CLSTN2: variants seen among roughly 807,000 people sequenced by gnomAD.
The protein encoded by CLSTN2 is calsyntenin 2.
Under a neutral mutation model 101.2 loss-of-function variants are expected in CLSTN2, and 48 were observed. That is an observed-to-expected ratio of 0.47 (90% CI 0.38 to 0.60). The LOEUF is 0.60. Ranked by LOEUF, CLSTN2 falls within the 20% of genes least tolerant of loss-of-function variation. CLSTN2 has a pLI of 0.00. For missense variants in CLSTN2, 1,160 were observed against 1,238.2 expected (o/e 0.94, Z 0.95); for synonymous variants, 481 against 463.6 (o/e 1.04, Z -0.48).
At chr3:140,235,819 G>T (rs552332063) in intron 2 of CLSTN2, among the ~76,000 whole-genome samples, 1 of 152,204 alleles carries the variant, frequency 6.6e-6, no homozygotes, top group African/African-American at 2.4e-5. Flanking sequence ...GATTAGAGAA[G>T]GTGAGGACAG....
At chr3:140,172,117 G>C (rs891072762) in intron 1 of CLSTN2, among the ~76,000 whole-genome samples, 1 of 150,448 alleles carries the variant, frequency 6.6e-6, no homozygotes, top group African/African-American at 2.4e-5. Context: ...TATGAATTAG[G>C]GTGTGAAGTT....
At chr3:140,433,795 G>A (rs776918130) in intron 5 of CLSTN2, among the ~76,000 whole-genome samples, 3 of 152,240 alleles carry the variant, frequency 2.0e-5, no homozygotes, top group Non-Finnish European at 2.9e-5. Flanking sequence ...AGGCAGAGGA[G>A]AGCAAGTAGA....
chr3:140,016,259 G>T (rs1416076010), intron 1 of CLSTN2, among the ~76,000 whole-genome samples: 1 of 152,208 alleles, frequency 6.6e-6, no homozygotes, highest in Admixed American at 6.5e-5. Flanking sequence ...CCCTCAGTCT[G>T]CCAGGCCAAG....
At chr3:140,161,391 T>C (rs1292148057) in intron 1 of CLSTN2, among the ~76,000 whole-genome samples, 2 of 152,160 alleles carry the variant, frequency 1.3e-5, no homozygotes, top group Admixed American at 6.5e-5. Context: ...GCAAAAGATA[T>C]AAAGACTGTG....
intron 1 of CLSTN2, among the ~76,000 whole-genome samples, chr3:140,028,411 C>T (rs376349426): frequency 6.6e-5 from 10 of 152,270 alleles, no homozygotes; most frequent in African/African-American, 2.2e-4. Context: ...ACCAGGGCAC[C>T]TCCCTTATGG....
chr3:140,278,370 G>A (rs557813115), intron 2 of CLSTN2, among the ~76,000 whole-genome samples: 1 of 152,112 alleles, frequency 6.6e-6, no homozygotes, highest in Non-Finnish European at 1.5e-5. Context: ...GAGCGAGCGG[G>A]TCCCCACTAC....
chr3:140,437,532 C>T (rs2088700881), intron 5 of CLSTN2, among the ~76,000 whole-genome samples: 1 of 152,242 alleles, frequency 6.6e-6, no homozygotes, highest in African/African-American at 2.4e-5. Context: ...GGGTTTCTAA[C>T]AACCTCATCA....
At chr3:139,987,741 G>A (rs1343555017) in intron 1 of CLSTN2, among the ~76,000 whole-genome samples, 1 of 152,152 alleles carries the variant, frequency 6.6e-6, no homozygotes, top group Non-Finnish European at 1.5e-5. Flanking sequence ...TTCCTAGAGA[G>A]ATCTGCTGAG....
chr3:140,379,968 A>G (rs945038174), intron 2 of CLSTN2, among the ~76,000 whole-genome samples: 1 of 152,176 alleles, frequency 6.6e-6, no homozygotes, highest in Non-Finnish European at 1.5e-5. Context: ...ATATTTATAA[A>G]TTTTATCTAC....
At chr3:140,330,715 A>C (rs943171148) in intron 2 of CLSTN2, among the ~76,000 whole-genome samples, 9 of 152,212 alleles carry the variant, frequency 5.9e-5, no homozygotes, top group African/African-American at 2.2e-4. Context: ...AGGCCTGACA[A>C]AAAAGCCAAA....
At chr3:140,416,119 G>C (rs1049356488) in intron 4 of CLSTN2, among the ~76,000 whole-genome samples, 2 of 152,156 alleles carry the variant, frequency 1.3e-5, no homozygotes, top group African/African-American at 2.4e-5. Context: ...AAATACAAAT[G>C]CCTCATGATA....
At chr3:140,496,059 T>G (rs1216571153) in intron 8 of CLSTN2, among the ~76,000 whole-genome samples, 2 of 152,234 alleles carry the variant, frequency 1.3e-5, no homozygotes, top group Non-Finnish European at 2.9e-5. Context: ...TTGGGCAGTG[T>G]GACCATTTTC....
chr3:139,964,392 C>G (rs1935559592), intron 1 of CLSTN2, among the ~76,000 whole-genome samples: 1 of 152,110 alleles, frequency 6.6e-6, no homozygotes, highest in South Asian at 2.1e-4. Flanking sequence ...TTAGGTGTGA[C>G]AGGTGAAGAG....
At chr3:140,460,421 G>A (rs1426826659) in intron 7 of CLSTN2, 2 of 153,578 alleles carry the variant, frequency 1.3e-5, no homozygotes, top group Non-Finnish European at 2.9e-5. Flanking sequence ...TACCTCACAG[G>A]GTTCTTATGA....
chr3:140,320,545 A>T (rs2087272141), intron 2 of CLSTN2, among the ~76,000 whole-genome samples: 1 of 150,292 alleles, frequency 6.7e-6, no homozygotes, highest in Non-Finnish European at 1.5e-5. Context: ...CAGTAGGGTG[A>T]CACCGAGCAG....
chr3:140,401,466 C>G (rs75488297), intron 2 of CLSTN2, among the ~76,000 whole-genome samples: 1 of 152,204 alleles, frequency 6.6e-6, no homozygotes, highest in Non-Finnish European at 1.5e-5. Flanking sequence ...AAATATGTCA[C>G]CTAAACTTTA....
At chr3:140,165,409 G>T (rs572882680) in intron 1 of CLSTN2, among the ~76,000 whole-genome samples, 2 of 152,200 alleles carry the variant, frequency 1.3e-5, no homozygotes, top group African/African-American at 4.8e-5. Flanking sequence ...TGTAGACATC[G>T]TCATGATTAG....
intron 1 of CLSTN2, among the ~76,000 whole-genome samples, chr3:140,113,812 A>G (rs1181346283): frequency 6.6e-6 from 1 of 152,220 alleles, no homozygotes; most frequent in Non-Finnish European, 1.5e-5. Context: ...TTGAGCAAAA[A>G]GATCCATTTT....
chr3:140,396,414 A>T (rs2088183030), intron 2 of CLSTN2, among the ~76,000 whole-genome samples: 1 of 152,182 alleles, frequency 6.6e-6, no homozygotes, highest in South Asian at 2.1e-4. Context: ...TTCAGTTCTT[A>T]AACAGGAACA....
Sources: allele counts gnomAD v4.1 joint callset (sites outside exome capture counted in the v4.1 genomes callset), GRCh38; gene constraint gnomAD v4.1.1; transcripts MANE v1.5; gene names NCBI Gene and HGNC (gene_info 2026-07-23, HGNC 2026-07-21).